The following TIAM2 variants were observed in gnomAD, a reference collection of about 807,000 sequenced individuals.
TIAM2 encodes the protein rho guanine nucleotide exchange factor TIAM2.
A neutral mutation model predicts 152.9 loss-of-function variants in TIAM2; 80 were observed. The ratio of observed to expected loss-of-function variants is 0.52; its 90% confidence interval spans 0.44 to 0.63. The LOEUF (loss-of-function observed/expected upper bound fraction) is 0.63, where lower values mean the gene tolerates loss of function less well. Among genes scored for constraint, TIAM2 ranks in the 30% least tolerant of loss-of-function variants. The pLI is 0.00. For synonymous variants in TIAM2, 804 were observed against 838.0 expected, an observed-to-expected ratio of 0.96 and a Z score of 0.70; for missense variants, 1,965 against 2,120.1, an observed-to-expected ratio of 0.93 and a Z score of 1.44.
In TIAM2 at chr6:155,127,551, G is replaced by T; in HGVS notation, c.-56G>T. ...TGTGCTGTGTTGCTCCCAAGACCAT[G>T]TAAAGCCTACTGACCACTAACCTCC... On this transcript the variant is annotated 5_prime_UTR_variant, in exon 3 of 27. An upstream start codon of the reference 5' UTR is lost. Transcript: ENST00000682666. The T allele has an allele frequency of 2.2e-6, 1 of 456,026 alleles. No homozygotes were observed. Among genetic ancestry groups the T allele is most frequent in the Non-Finnish European group, 4.4e-6 (1 of 226,800 alleles). 28.2% of individuals were successfully genotyped at this position (456,026 alleles called of 1,614,324 possible). A position where few individuals can be genotyped will look rare whatever the true frequency, so the allele number is the denominator to read the frequency against.
intron 7 of TIAM2, 122 bp from the exon 8 acceptor site, chr6:155,164,293 T>G: frequency 1.1e-6 from 1 of 887,154 alleles, no homozygotes; most frequent in East Asian, 2.7e-5. Flanking sequence ...AAAGGCTAAT[T>G]TAAACCATGC....
chr6:155,184,200 ACTGGTCT>A (rs1220481621), intron 14 of TIAM2, among the ~76,000 whole-genome samples: 1 of 151,994 alleles, frequency 6.6e-6, no homozygotes, highest in East Asian at 1.9e-4. Context: ...TGTTGCCCAG[ACTGGTCT>A]CAAACTCCTG....
chr6:155,075,721 C>A (rs1777941496), intron 1 of TIAM2, among the ~76,000 whole-genome samples: 1 of 152,094 alleles, frequency 6.6e-6, no homozygotes, highest in Middle Eastern at 3.2e-3. Context: ...ATATGCATAG[C>A]CCGACGGTAA....
intron 2 of TIAM2, among the ~76,000 whole-genome samples, chr6:155,099,354 G>A (rs1778501511): frequency 6.6e-6 from 1 of 151,672 alleles, no homozygotes; most frequent in African/African-American, 2.4e-5. Context: ...TTTATATTAG[G>A]GAATTTAGAT....
rs866260583 is a variant in TIAM2 at position 155,130,490 on chromosome 6, G to C, written c.1194+73G>C. 94 of 1,413,542 alleles carry C rather than the reference G, an allele frequency of 6.6e-5. No homozygotes were observed. The Middle Eastern group carries it at 2.5e-3, about 38-fold the overall frequency. 87.6% of individuals were successfully genotyped at this position (1,413,542 alleles called of 1,614,324 possible). On this transcript the variant is annotated intron_variant, in intron 4 of 26. Transcript: ENST00000682666. Reference sequence around the variant, plus strand: ...CTGGAGAAGGGGAAGGTTAGTAGAAGCCACCATAGAGTGTTGTCGGGGTGC... The same window carrying C: ...CTGGAGAAGGGGAAGGTTAGTAGAACCCACCATAGAGTGTTGTCGGGGTGC...
intron 2 of TIAM2, among the ~76,000 whole-genome samples, chr6:155,108,767 G>A (rs1778758841): frequency 6.6e-6 from 1 of 152,010 alleles, no homozygotes; most frequent in Non-Finnish European, 1.5e-5. Flanking sequence ...GTCTGAGATT[G>A]TGTTTGAGCA....
chr6:154,996,370 C>G (rs1371752357), intron 1 of TIAM2, among the ~76,000 whole-genome samples: 1 of 152,038 alleles, frequency 6.6e-6, no homozygotes, highest in African/African-American at 2.4e-5. Context: ...GGAGGTTTTC[C>G]TGCTTTTCTC....
At position 155,254,542 on chromosome 6, in the gene TIAM2, T is replaced by G; in HGVS notation, c.4437T>G (p.Leu1479=). Reference sequence around the variant, plus strand: ...CGTGTAAGGATCGCCTGGTACCTCTTAAGAACCGAGTTCCTGTTTCGGCCA... The same window carrying G: ...CGTGTAAGGATCGCCTGGTACCTCTGAAGAACCGAGTTCCTGTTTCGGCCA... ...EKTCKDRLVP[L]KNRVPVSAKL... is the part of the protein sequence containing the mutation. The change falls in exon 26 of 27, where the codon CTT becomes CTG. Residue 1479 remains leucine, a synonymous_variant. Coordinates refer to ENST00000682666, the MANE Select transcript of TIAM2 (RefSeq NM_012454.4). 7 of 1,613,706 alleles carry G rather than the reference T, an allele frequency of 4.3e-6. No individual in the cohort carries two copies. The highest frequency in any genetic ancestry group is 5.9e-6 in the Non-Finnish European group (7 of 1,179,578).
chr6:155,118,588 A>T (rs1779072367), intron 2 of TIAM2, among the ~76,000 whole-genome samples: 1 of 151,124 alleles, frequency 6.6e-6, no homozygotes, highest in Non-Finnish European at 1.5e-5. Context: ...GCCCGCCACC[A>T]CACCCAGCTA....
At chr6:155,094,774 G>A (rs1384611744) in intron 2 of TIAM2, among the ~76,000 whole-genome samples, 4 of 148,784 alleles carry the variant, frequency 2.7e-5, no homozygotes, top group African/African-American at 9.9e-5. Flanking sequence ...GTAGAGATGA[G>A]GTTTCACTAT....
intron 7 of TIAM2, among the ~76,000 whole-genome samples, chr6:155,150,646 CT>C (rs1779932747): frequency 6.6e-6 from 1 of 152,110 alleles, no homozygotes; most frequent in African/African-American, 2.4e-5. Flanking sequence ...AAGCGGGTGG[CT>C]TATAAACAAG....
chr6:155,059,072 A>G (rs1028381747), intron 1 of TIAM2, among the ~76,000 whole-genome samples: 1 of 152,188 alleles, frequency 6.6e-6, no homozygotes, highest in Admixed American at 6.5e-5. Context: ...TTGATACAAT[A>G]ATATTAACTA....
intron 1 of TIAM2, among the ~76,000 whole-genome samples, chr6:155,052,174 G>A (rs1397005139): frequency 2.6e-5 from 4 of 152,118 alleles, no homozygotes; most frequent in South Asian, 2.1e-4. Context: ...GGCAGTGGGA[G>A]AAGAATGTAT....
rs766724836 is a variant in TIAM2, at chr6:155,129,903, G to A, written c.680G>A (p.Arg227His). 100 of 1,613,790 alleles carry A rather than the reference G, an allele frequency of 6.2e-5. 1 individual carries two copies. The South Asian group carries it at 8.9e-4, about 14-fold the overall frequency. The change falls in exon 4 of 27, where the codon CGC (arginine) becomes CAC (histidine). Residue 227 changes from arginine (R) to histidine (H), a missense_variant. This residue lies in a region of TIAM2 where 1,025 missense variants were observed against 1,119.4 expected (regional missense o/e 0.92). Coordinates refer to ENST00000682666, the MANE Select transcript of TIAM2 (RefSeq NM_012454.4). The surrounding 1 kb of genome is among the most constrained non-coding windows in gnomAD (Gnocchi z 4.8). ...AGCGCCGATTCCCTGCCCAGCCATC[G>A]CCCCTCTCCCACGGACTCTCGCCTG... ...GSSADSLPSH[R>H]PSPTDSRLRS...
intron 1 of TIAM2, among the ~76,000 whole-genome samples, chr6:155,039,435 G>C (rs755589922): frequency 5.9e-5 from 9 of 152,022 alleles, no homozygotes; most frequent in Non-Finnish European, 1.0e-4. Flanking sequence ...GTCTTGTCTG[G>C]AAGACAAAAT....
rs1442589416 is a variant in TIAM2, at chr6:155,047,704, A to AGAG, written c.-208-42584_-208-42583insAGG. Among the ~76,000 whole-genome samples the AGAG allele has an allele frequency of 7.3e-5, 6 of 82,216 alleles. 1 individual carries two copies. The highest frequency in any genetic ancestry group is 2.6e-4 in the Admixed American group (2 of 7,830). The allele number at this position is 82,216 out of a possible 152,430, so 53.9% of individuals were successfully genotyped here. On this transcript the variant is annotated intron_variant, in intron 1 of 26. Transcript: ENST00000682666. Reference sequence around the variant, plus strand: ...AGAGAGAGAGGAGAGAGAGAGAGAGAGCGAGAGAGAGAGAGAGAGAGCGAG... The same window carrying AGAG: ...AGAGAGAGAGGAGAGAGAGAGAGAGAGAGGCGAGAGAGAGAGAGAGAGAGCGAG...
At position 155,217,232 on chromosome 6, in the gene TIAM2, C is replaced by A. The variant is rs78519645; in HGVS notation, c.3168+5925C>A. The A allele has an allele frequency of 9.0e-5, 80 of 887,216 alleles. 2 individuals carry two copies. The Middle Eastern group carries it at 2.7e-3, about 30-fold the overall frequency. The allele number at this position is 887,216 out of a possible 1,614,324, so 55.0% of individuals were successfully genotyped here. On this transcript the variant is annotated intron_variant, in intron 15 of 26. Transcript: ENST00000682666. The stretch of plus-strand genomic sequence containing the variant: ...ACTGATATGCAGATGAGAAGAGATG[C>A]CTTTCTCCCCAGAAGGGATTCTGAC...
At chr6:155,119,057 C>T (rs1342977624) in intron 2 of TIAM2, among the ~76,000 whole-genome samples, 4 of 149,464 alleles carry the variant, frequency 2.7e-5, no homozygotes, top group East Asian at 2.0e-4. Flanking sequence ...TTTTTTTTGA[C>T]GGAGTCTTGC....
At chr6:155,078,220 A>T (rs1315458236) in intron 1 of TIAM2, among the ~76,000 whole-genome samples, 1 of 151,640 alleles carries the variant, frequency 6.6e-6, no homozygotes, top group African/African-American at 2.4e-5. Context: ...AATTTTTTTT[A>T]TTTTTTGTGG....
Sources: gnomAD v4.1 joint callset for allele counts (sites outside exome capture counted in the v4.1 genomes callset) on GRCh38, gnomAD v4.1.1 for gene constraint, gnomAD v4.1.1 regional missense constraint, Gnocchi (gnomAD v3.1) non-coding constraint, MANE v1.5 for transcripts, NCBI Gene and HGNC (gene_info 2026-07-23, HGNC 2026-07-21) for gene names.